Variants in RASAL2 observed in about 807,000 individuals in gnomAD.
The protein encoded by RASAL2 is RAS protein activator like 2, also known as ras GTPase-activating protein nGAP.
Under a neutral mutation model 128.9 loss-of-function variants are expected in RASAL2, and 58 were observed. The observed-to-expected ratio is 0.45, with a 90% confidence interval of 0.36 to 0.56. The LOEUF (loss-of-function observed/expected upper bound fraction) is 0.56. RASAL2 is among the 20% of genes least tolerant of loss of function. The probability of loss-of-function intolerance (pLI) is 0.00; values close to 1 mark genes in which losing one functional copy is unlikely to be tolerated. For missense variants in RASAL2, 1,360 were observed against 1,601.6 expected, an observed-to-expected ratio of 0.85 and a Z score of 2.57; for synonymous variants, 561 against 580.8, an observed-to-expected ratio of 0.97 and a Z score of 0.49.
Position 178,454,604 on chromosome 1 carries a change from G to A in RASAL2, c.2167G>A (p.Val723Ile). ...GYIDLGRELS[V>I]LHSLLWEVVS... ...CATTGATCTGGGCCGAGAGCTTTCA[G>A]TTTTGCATTCCTTACTGTGGGAAGT... The change falls in exon 12 of 18, where the codon GTT becomes ATT. Residue 723 changes from valine (V) to isoleucine (I), a missense_variant. Physicochemically the swap from Val to Ile is conservative, Grantham distance 29. Coordinates refer to ENST00000367649, the MANE Select transcript of RASAL2 (RefSeq NM_170692.4). The A allele has an allele frequency of 6.2e-7, 1 of 1,613,922 alleles. No individual in the cohort carries two copies. Among genetic ancestry groups the A allele is most frequent in the South Asian group, 1.1e-5 (1 of 91,066 alleles).
chr1:178,387,443 A>G (rs921840088), intron 3 of RASAL2, among the ~76,000 whole-genome samples: 21 of 152,196 alleles, frequency 1.4e-4, no homozygotes, highest in Non-Finnish European at 2.4e-4. Context: ...TTACATATGT[A>G]TACATGTGCC....
chr1:178,137,540 T>G (rs186537714), intron 1 of RASAL2, among the ~76,000 whole-genome samples: 97 of 152,322 alleles, frequency 6.4e-4, no homozygotes, highest in African/African-American at 2.1e-3. Context: ...GCTGCTTTTT[T>G]TCTGTTGGTG....
At chr1:178,099,496 G>A (rs906100937) in intron 1 of RASAL2, among the ~76,000 whole-genome samples, 1 of 152,160 alleles carries the variant, frequency 6.6e-6, no homozygotes, top group African/African-American at 2.4e-5. Flanking sequence ...ATTAATGTAG[G>A]TGATAGTTTC....
intron 2 of RASAL2, among the ~76,000 whole-genome samples, chr1:178,297,628 A>C (rs909050615): frequency 2.7e-5 from 4 of 148,206 alleles, no homozygotes; most frequent in South Asian, 4.2e-4. Flanking sequence ...AAAAAAAAAA[A>C]CTTAAGAAAT....
chr1:178,225,959 C>G (rs1227443019), intron 1 of RASAL2, among the ~76,000 whole-genome samples: 5 of 152,164 alleles, frequency 3.3e-5, no homozygotes, highest in Non-Finnish European at 7.4e-5. Context: ...TCTCTACAAT[C>G]TCACAGAACA....
At chr1:178,275,918 C>T (rs1666489361) in intron 1 of RASAL2, among the ~76,000 whole-genome samples, 1 of 152,112 alleles carries the variant, frequency 6.6e-6, no homozygotes, top group Non-Finnish European at 1.5e-5. Flanking sequence ...AAGTGGTTAG[C>T]TAAGGTTAAA....
chr1:178,226,376 A>G (rs1663788074), intron 1 of RASAL2, among the ~76,000 whole-genome samples: 1 of 152,120 alleles, frequency 6.6e-6, no homozygotes, highest in South Asian at 2.1e-4. Flanking sequence ...AAACATACAA[A>G]TGTTTGAACT....
chr1:178,181,325 C>G (rs935294853), intron 1 of RASAL2, among the ~76,000 whole-genome samples: 1 of 151,882 alleles, frequency 6.6e-6, no homozygotes, highest in African/African-American at 2.4e-5. Flanking sequence ...ACAATATTAA[C>G]CATTATTATT....
intron 1 of RASAL2, among the ~76,000 whole-genome samples, chr1:178,104,256 G>T (rs1659010684): frequency 6.6e-6 from 1 of 152,014 alleles, no homozygotes; most frequent in Admixed American, 6.6e-5. Context: ...GATTTAAGAA[G>T]ACTTCTTTAT....
At chr1:178,408,886 T>G (rs1674172031) in intron 4 of RASAL2, among the ~76,000 whole-genome samples, 1 of 152,210 alleles carries the variant, frequency 6.6e-6, no homozygotes, top group South Asian at 2.1e-4. Context: ...AGCATCTATG[T>G]GACCTTGGGA....
chr1:178,425,007 A>C (rs979797393), intron 5 of RASAL2, among the ~76,000 whole-genome samples: 3 of 152,188 alleles, frequency 2.0e-5, no homozygotes, highest in Non-Finnish European at 2.9e-5. Flanking sequence ...AGAACCAAAG[A>C]TACAGCCCTC....
At chr1:178,248,705 G>A (rs1664902344) in intron 1 of RASAL2, among the ~76,000 whole-genome samples, 2 of 152,042 alleles carry the variant, frequency 1.3e-5, no homozygotes. Context: ...CATATTTAGT[G>A]CTTCCTTCAG....
chr1:178,431,620 T>C (rs968240764), intron 5 of RASAL2, among the ~76,000 whole-genome samples: 5 of 152,112 alleles, frequency 3.3e-5, no homozygotes, highest in African/African-American at 1.2e-4. Flanking sequence ...TGAAGATATA[T>C]GTAGTAAGAT....
chr1:178,159,201 T>C (rs999586140), intron 1 of RASAL2, among the ~76,000 whole-genome samples: 2 of 152,384 alleles, frequency 1.3e-5, no homozygotes, highest in East Asian at 3.9e-4. Flanking sequence ...TCATACTGCT[T>C]AGCTTGGTTT....
chr1:178,409,365 G>A (rs1446692096), intron 4 of RASAL2, among the ~76,000 whole-genome samples: 1 of 152,158 alleles, frequency 6.6e-6, no homozygotes, highest in East Asian at 1.9e-4. Flanking sequence ...TGTAAGGCTA[G>A]CTCTCTATAA....
chr1:178,242,727 A>C (rs1664572193), intron 1 of RASAL2, among the ~76,000 whole-genome samples: 1 of 151,704 alleles, frequency 6.6e-6, no homozygotes, highest in African/African-American at 2.4e-5. Context: ...CAGATGTTGG[A>C]TCTTATTTAT....
chr1:178,205,065 C>A (rs977158284), intron 1 of RASAL2, among the ~76,000 whole-genome samples: 1 of 152,170 alleles, frequency 6.6e-6, no homozygotes, highest in Non-Finnish European at 1.5e-5. Context: ...AGTACAGTGG[C>A]ATGATCTTGG....
intron 3 of RASAL2, among the ~76,000 whole-genome samples, chr1:178,348,755 T>C (rs1379198318): frequency 6.6e-6 from 1 of 151,846 alleles, no homozygotes; most frequent in African/African-American, 2.4e-5. Flanking sequence ...AGTCCTTTTT[T>C]GTTTATGGAG....
chr1:178,243,597 G>C (rs918558553), intron 1 of RASAL2, among the ~76,000 whole-genome samples: 160 of 128,634 alleles, frequency 1.2e-3, no homozygotes, highest in Admixed American at 4.7e-3. Flanking sequence ...CTTGCTTGTT[G>C]TTATCAAAAA....
Sources: allele counts gnomAD v4.1 joint callset (sites outside exome capture counted in the v4.1 genomes callset), GRCh38; gene constraint gnomAD v4.1.1; transcripts MANE v1.5; gene names NCBI Gene and HGNC (gene_info 2026-07-23, HGNC 2026-07-21).